Variants in BDNF observed in about 807,000 individuals in gnomAD.
BDNF encodes neurotrophic factor BDNF precursor form.
A neutral mutation model predicts 19.5 loss-of-function variants in BDNF; 1 was observed. The observed-to-expected ratio is 0.05, with a 90% CI of 0.02 to 0.24. The LOEUF (loss-of-function observed/expected upper bound fraction) is 0.24, where lower values mean the gene tolerates loss of function less well. Ranked by LOEUF, BDNF falls within the 10% of genes least tolerant of loss-of-function variation. The probability of loss-of-function intolerance (pLI) is 1.00; values close to 1 mark genes in which losing one functional copy is unlikely to be tolerated. For missense variants in BDNF, 195 were observed against 317.6 expected, an observed-to-expected ratio of 0.61 and a Z score of 2.93; for synonymous variants, 100 against 121.6, an observed-to-expected ratio of 0.82 and a Z score of 1.17.
chr11:27,721,591 T>C, exon 1 of BDNF: 1 of 710,214 alleles, frequency 1.4e-6, no homozygotes, highest in South Asian at 1.6e-5. Context: ...ATCCGCAAGC[T>C]TAAACTCTCA....
chr11:27,700,913 C>A, upstream of BDNF: 1 of 1,326,518 alleles, frequency 7.5e-7, no homozygotes, highest in Non-Finnish European at 1.0e-6. Flanking sequence ...CCTTCCTCCC[C>A]ATCCCAGCAC....
At chr11:27,677,707 T>G (rs1856342190) in intron 1 of BDNF, 1 of 152,254 alleles carries the variant, frequency 6.6e-6, no homozygotes, top group South Asian at 2.1e-4. Flanking sequence ...GGGGCAAGAC[T>G]TTTCAGTGTA....
At chr11:27,694,502 C>T (rs1388616997) in intron 1 of BDNF, among the ~76,000 whole-genome samples, 2 of 151,674 alleles carry the variant, frequency 1.3e-5, no homozygotes, top group East Asian at 1.9e-4. Context: ...CTGTTGTGGG[C>T]GCATGCAAAA....
At chr11:27,721,878 G>A in exon 1 of BDNF, 1 of 183,508 alleles carries the variant, frequency 5.4e-6, no homozygotes, top group Non-Finnish European at 1.2e-5. Context: ...AAAAAACTCA[G>A]CCTGCACACC....
In BDNF at chr11:27,699,746, C is replaced by CA. The variant is rs34710639; in HGVS notation, c.-22+417dup. On this transcript the variant is annotated intron_variant, in intron 1 of 1. Transcript: ENST00000356660. The stretch of plus-strand genomic sequence containing the variant: ...CCCGCAAGTCGGCGCGGGGACCACC[C>CA]ACCCCCTGGAAGGATTCCTAGCCTA... 5.3e-6 allele frequency: 7 copies of CA among 1,320,100 alleles called. No individual in the cohort carries two copies. The African/African-American group carries it at 1.0e-4, about 20-fold the overall frequency. 81.8% of individuals were successfully genotyped at this position (1,320,100 alleles called of 1,614,324 possible). A position where few individuals can be genotyped will look rare whatever the true frequency, so the allele number is the denominator to read the frequency against.
At chr11:27,667,497 A>G (rs957932806) in intron 1 of BDNF, among the ~76,000 whole-genome samples, 3 of 152,260 alleles carry the variant, frequency 2.0e-5, no homozygotes, top group Non-Finnish European at 2.9e-5. Flanking sequence ...GTCAAGACCC[A>G]TCAGTGTGCT....
intron 1 of BDNF, among the ~76,000 whole-genome samples, chr11:27,705,559 A>G (rs1294350863): frequency 1.3e-5 from 2 of 152,224 alleles, no homozygotes; most frequent in African/African-American, 4.8e-5. Context: ...GCCTACTTTC[A>G]TGTGATTCTG....
chr11:27,685,340 A>C (rs571399900), intron 1 of BDNF, among the ~76,000 whole-genome samples: 1 of 152,276 alleles, frequency 6.6e-6, no homozygotes, highest in South Asian at 2.1e-4. Flanking sequence ...ATCTTTTCAA[A>C]AAACCAGCTT....
chr11:27,713,690 C>T (rs898014831), intron 1 of BDNF, among the ~76,000 whole-genome samples: 4 of 152,256 alleles, frequency 2.6e-5, no homozygotes, highest in Non-Finnish European at 4.4e-5. Context: ...CATTTTCTGC[C>T]GCTATTTAGG....
chr11:27,685,819 T>A (rs1441399546), intron 1 of BDNF, among the ~76,000 whole-genome samples: 1 of 49,462 alleles, frequency 2.0e-5, no homozygotes, highest in Admixed American at 2.5e-4. Context: ...TTACTTCCAA[T>A]TATGTGGTCA....
At chr11:27,713,507 A>G (rs750093217) in intron 1 of BDNF, among the ~76,000 whole-genome samples, 23 of 151,996 alleles carry the variant, frequency 1.5e-4, no homozygotes, top group Non-Finnish European at 3.1e-4. Flanking sequence ...TAATTTGTGT[A>G]TTTTTTCCCC....
chr11:27,665,185 T>C (rs1854103459), intron 1 of BDNF: 1 of 152,184 alleles, frequency 6.6e-6, no homozygotes, highest in Non-Finnish European at 1.5e-5. Context: ...TGAAACCATA[T>C]AATATTTACC....
chr11:27,697,174 G>C (rs866452131), intron 1 of BDNF, among the ~76,000 whole-genome samples: 2,130 of 151,726 alleles, frequency 0.014, 29 homozygotes, highest in Admixed American at 0.036. Context: ...CAGAGAGAGA[G>C]AGAGAGAGAG....
rs72348822 is a variant in BDNF, at chr11:27,697,164, C to CAGAG, written c.-22+2996_-22+2999dup. 3.3e-3 allele frequency among the ~76,000 whole-genome samples: 440 copies of CAGAG among 133,152 alleles called. 1 individual carries two copies. Among genetic ancestry groups the CAGAG allele is most frequent in the South Asian group, 0.014 (48 of 3,358 alleles). 87.4% of individuals were successfully genotyped at this position (133,152 alleles called of 152,430 possible). A position where few individuals can be genotyped will look rare whatever the true frequency, so the allele number is the denominator to read the frequency against. ...GCACGCACACACACACACACACACA[C>CAGAG]AGAGAGAGAGAGAGAGAGAGAGAGA... is the stretch of plus-strand genomic sequence containing the variant. On this transcript the variant is annotated intron_variant, in intron 1 of 1. Coordinates refer to ENST00000356660, the MANE Select transcript of BDNF (RefSeq NM_001709.5).
intron 1 of BDNF, among the ~76,000 whole-genome samples, chr11:27,693,951 A>G (rs1858637064): frequency 6.6e-6 from 1 of 152,168 alleles, no homozygotes; most frequent in Non-Finnish European, 1.5e-5. Flanking sequence ...GCATACACAC[A>G]CACGCACCTT....
At chr11:27,690,817 G>A (rs1391097675) in intron 1 of BDNF, among the ~76,000 whole-genome samples, 1 of 151,446 alleles carries the variant, frequency 6.6e-6, no homozygotes, top group Non-Finnish European at 1.5e-5. Flanking sequence ...GTTTTTTTAG[G>A]GGGAAACACA....
At chr11:27,709,396 T>C (rs945883858) in intron 1 of BDNF, among the ~76,000 whole-genome samples, 1 of 151,712 alleles carries the variant, frequency 6.6e-6, no homozygotes, top group African/African-American at 2.4e-5. Context: ...AAAGTATAAT[T>C]AGTTTTGTCC....
intron 1 of BDNF, among the ~76,000 whole-genome samples, chr11:27,699,169 T>C (rs1480710127): frequency 6.7e-6 from 1 of 149,584 alleles, no homozygotes; most frequent in Admixed American, 6.7e-5. Flanking sequence ...CTTCGTTCTC[T>C]GGGTCCCCTC....
At chr11:27,711,257 C>T (rs1209264597) in intron 1 of BDNF, among the ~76,000 whole-genome samples, 1 of 152,134 alleles carries the variant, frequency 6.6e-6, no homozygotes, top group Admixed American at 6.5e-5. Context: ...TAAGGAAATG[C>T]AGAATGCTCA....
Sources: gnomAD v4.1 joint callset for allele counts (sites outside exome capture counted in the v4.1 genomes callset) on GRCh38, gnomAD v4.1.1 for gene constraint, MANE v1.5 for transcripts, NCBI Gene and HGNC (gene_info 2026-07-23, HGNC 2026-07-21) for gene names.